TTC3: variants seen among roughly 807,000 people sequenced by gnomAD.
The protein encoded by TTC3 is tetratricopeptide repeat domain 3.
Under a neutral mutation model 249.6 loss-of-function variants are expected in TTC3, and 180 were observed. The ratio of observed to expected loss-of-function variants is 0.72; its 90% confidence interval spans 0.64 to 0.82. The LOEUF (loss-of-function observed/expected upper bound fraction) is 0.82. TTC3 is among the 40% of genes least tolerant of loss of function. The pLI is 0.00. For missense variants in TTC3, 2,061 were observed against 2,398.4 expected, an observed-to-expected ratio of 0.86 and a Z score of 2.94; for synonymous variants, 717 against 805.0, an observed-to-expected ratio of 0.89 and a Z score of 1.85.
At chr21:37,182,567 C>T (rs150313547) in intron 35 of TTC3, among the ~76,000 whole-genome samples, 3 of 152,208 alleles carry the variant, frequency 2.0e-5, no homozygotes, top group East Asian at 1.9e-4. Context: ...GTACACGTAG[C>T]GGGTAGGATG....
chr21:37,181,466 G>T (rs1569160316), intron 35 of TTC3, among the ~76,000 whole-genome samples: 1 of 152,236 alleles, frequency 6.6e-6, no homozygotes, highest in Non-Finnish European at 1.5e-5. Flanking sequence ...TGGAACACAG[G>T]ATTCTTAAGT....
intron 11 of TTC3, 41 bp from the exon 12 acceptor site, chr21:37,121,776 C>A: frequency 1.3e-6 from 2 of 1,505,908 alleles, no homozygotes; most frequent in Non-Finnish European, 8.9e-7. Context: ...TTAACTTAAG[C>A]ATATTTTTGA....
chr21:37,150,041 A>G, intron 23 of TTC3, 37 bp from the exon 24 acceptor site: 1 of 1,454,592 alleles, frequency 6.9e-7, no homozygotes, highest in Non-Finnish European at 9.5e-7. Flanking sequence ...CCCTAGACAT[A>G]ACATTTTTCT....
chr21:37,153,592 T>A (rs1246725393), intron 27 of TTC3, among the ~76,000 whole-genome samples: 3 of 152,134 alleles, frequency 2.0e-5, no homozygotes, highest in Non-Finnish European at 4.4e-5. Flanking sequence ...ACACCACAAT[T>A]TTTAGGTTAT....
rs1204695451 is a variant in TTC3 at position 37,157,050 on chromosome 21, T to A, written c.2992+144T>A. 6 of 1,348,506 alleles carry A rather than the reference T, an allele frequency of 4.4e-6. No homozygotes were observed. In the East Asian group the frequency reaches 1.5e-4, roughly 34 times the overall value. 83.5% of individuals were successfully genotyped at this position (1,348,506 alleles called of 1,614,324 possible). ...TCAGTTTATGTGGGGAAGTTAGTGA[T>A]TAACAGTAGCAATTTTTTTATATCA... On this transcript the variant is annotated intron_variant, in intron 28 of 45. Coordinates refer to ENST00000355666, the Ensembl canonical transcript of TTC3.
chr21:37,174,917 G>A (rs2082107715), intron 35 of TTC3, among the ~76,000 whole-genome samples: 1 of 152,090 alleles, frequency 6.6e-6, no homozygotes, highest in Admixed American at 6.5e-5. Flanking sequence ...AATTCTGCTT[G>A]TGCCTCTGCT....
intron 7 of TTC3, chr21:37,093,401 A>AT (rs2073548286): frequency 6.7e-6 from 1 of 149,478 alleles, no homozygotes; most frequent in Non-Finnish European, 1.5e-5. Flanking sequence ...AAAAAAAAAA[A>AT]AGGAAATGCT....
At chr21:37,104,588 C>CAAAAAAAAAAAAAAAAAAAA (rs141618903) in intron 10 of TTC3, among the ~76,000 whole-genome samples, 33 of 104,292 alleles carry the variant, frequency 3.2e-4, no homozygotes, top group South Asian at 6.7e-4. Flanking sequence ...AACTCCGTCT[C>CAAAAAAAAAAAAAAAAAAAA]AAAAAAAAAA....
chr21:37,120,307 G>A (rs1052608797), intron 11 of TTC3, among the ~76,000 whole-genome samples: 2 of 152,150 alleles, frequency 1.3e-5, no homozygotes, highest in African/African-American at 4.8e-5. Context: ...AACTTCAGTA[G>A]GGAGGTCTGA....
intron 37 of TTC3, among the ~76,000 whole-genome samples, chr21:37,186,318 G>C (rs73204065): frequency 0.11 from 17,444 of 152,084 alleles, 1,246 homozygotes; most frequent in Admixed American, 0.16. Context: ...TTCCCATCCC[G>C]GTTTTTGAAT....
At chr21:37,199,536 C>G (rs906707770) in intron 44 of TTC3, among the ~76,000 whole-genome samples, 3 of 152,222 alleles carry the variant, frequency 2.0e-5, no homozygotes, top group Admixed American at 6.5e-5. Flanking sequence ...GCGTCCAGCA[C>G]CCGACACCAA....
intron 45 of TTC3, 69 bp from the exon 46 acceptor site, chr21:37,201,371 G>A: frequency 6.2e-7 from 1 of 1,604,808 alleles, no homozygotes; most frequent in Non-Finnish European, 8.5e-7. Context: ...AAGGAGCCCA[G>A]CAGCACAGGG....
At chr21:37,101,353 G>T (rs1601419275) in intron 10 of TTC3, 1 of 41,738 alleles carries the variant, frequency 2.4e-5, no homozygotes, top group Non-Finnish European at 4.5e-5. Context: ...ACAAATTCTT[G>T]TGTGTGTGTG....
In TTC3 at chr21:37,086,760, C is replaced by T. The variant is rs115240611; in HGVS notation, c.-11-487C>T. On this transcript the variant is annotated intron_variant, in intron 1 of 45. Coordinates refer to ENST00000355666, the Ensembl canonical transcript of TTC3. ...TATGAGCAGTTGATAGGAAAGTTCTCAGTGGAGTCAGGATTTAGGTTAGGC... is the reference window on the plus strand; with the variant it reads ...TATGAGCAGTTGATAGGAAAGTTCTTAGTGGAGTCAGGATTTAGGTTAGGC... 731 of 159,180 alleles carry T rather than the reference C, an allele frequency of 4.6e-3. 5 individuals carry two copies. The highest frequency in any genetic ancestry group is 0.016 in the African/African-American group (684 of 41,584). 9.9% of individuals were successfully genotyped at this position (159,180 alleles called of 1,614,324 possible). A position where few individuals can be genotyped will look rare whatever the true frequency, so the allele number is the denominator to read the frequency against.
intron 31 of TTC3, 65 bp downstream of exon 31, chr21:37,162,128 T>C: frequency 1.0e-6 from 1 of 992,270 alleles, no homozygotes; most frequent in South Asian, 1.8e-5. Context: ...TAAGTTGTGT[T>C]AATTTAATAT....
In TTC3 at chr21:37,109,570, G is replaced by A. The variant is rs560173343; in HGVS notation, c.900+1124G>A. Among the ~76,000 whole-genome samples, 303 of 152,330 alleles carry A rather than the reference G, an allele frequency of 2.0e-3. 1 individual carries two copies. The highest frequency in any genetic ancestry group is 6.7e-3 in the African/African-American group (279 of 41,588). On this transcript the variant is annotated intron_variant, in intron 11 of 45. Transcript: ENST00000355666. ...GGTAAACAAAGCAGCCCAGAAGCTC[G>A]AACTGGGTGGAGCCCACCACAGCTC... is the stretch of plus-strand genomic sequence containing the variant.
intron 16 of TTC3, among the ~76,000 whole-genome samples, chr21:37,131,478 G>A (rs959113934): frequency 8.5e-5 from 13 of 152,118 alleles, no homozygotes; most frequent in African/African-American, 2.4e-5. Flanking sequence ...AGCTCCTCGC[G>A]CCCCCCAACC....
intron 39 of TTC3, among the ~76,000 whole-genome samples, chr21:37,189,783 T>C (rs980286711): frequency 6.6e-6 from 1 of 152,048 alleles, no homozygotes; most frequent in Non-Finnish European, 1.5e-5. Context: ...CCTCATCTTG[T>C]GATCCACCCA....
intron 11 of TTC3, among the ~76,000 whole-genome samples, chr21:37,111,054 G>A (rs55954909): frequency 0.13 from 19,425 of 152,080 alleles, 1,360 homozygotes; most frequent in Non-Finnish European, 0.15. Context: ...CCTGAAGGAA[G>A]CACTAAACAT....
Sources: gnomAD v4.1 joint callset for allele counts (sites outside exome capture counted in the v4.1 genomes callset) on GRCh38, gnomAD v4.1.1 for gene constraint, MANE v1.5 for transcripts, NCBI Gene and HGNC (gene_info 2026-07-23, HGNC 2026-07-21) for gene names.